The following SLC36A1 variants were observed in gnomAD, a reference collection of about 807,000 sequenced individuals.
SLC36A1 encodes the protein solute carrier family 36 member 1.
A neutral mutation model predicts 47.5 loss-of-function variants in SLC36A1; 30 were observed. The ratio of observed to expected loss-of-function variants is 0.63; its 90% CI spans 0.47 to 0.86. The LOEUF (loss-of-function observed/expected upper bound fraction) is 0.86, where lower values mean the gene tolerates loss of function less well. Among genes scored for constraint, SLC36A1 ranks in the 40% least tolerant of loss-of-function variants. The pLI is 0.00. For missense variants in SLC36A1, 517 were observed against 606.0 expected (o/e 0.85, Z 1.54); for synonymous variants, 255 against 249.7 (o/e 1.02, Z -0.20).
the SLC36A1 span, chr5:151,532,021 C>T: frequency 6.3e-7 from 1 of 1,592,774 alleles, no homozygotes; most frequent in Non-Finnish European, 8.6e-7. Context: ...CTCCTCTGGA[C>T]CTGCCTGCAG....
chr5:151,544,734 A>G, the SLC36A1 span: 3 of 1,614,052 alleles, frequency 1.9e-6, no homozygotes, highest in African/African-American at 2.7e-5. Context: ...CTTGATAATC[A>G]AAGGGTTTCT....
At chr5:151,504,394 G>C in the SLC36A1 span, 5 of 152,692 alleles carry the variant, frequency 3.3e-5, no homozygotes, top group African/African-American at 4.8e-5. Context: ...CACCACTCCT[G>C]GCTACATACA....
chr5:151,361,762 G>A, the SLC36A1 span, among the ~76,000 whole-genome samples: 1 of 152,116 alleles, frequency 6.6e-6, no homozygotes, highest in Non-Finnish European at 1.5e-5. Flanking sequence ...TATAAGATGG[G>A]TCTGGTGGTA....
At chr5:151,475,114 T>A (rs1757870507) in intron 8 of SLC36A1, among the ~76,000 whole-genome samples, 1 of 152,210 alleles carries the variant, frequency 6.6e-6, no homozygotes, top group South Asian at 2.1e-4. Context: ...AGTGTCTCAC[T>A]GTAATTCAGA....
At chr5:151,459,042 A>G (rs56026426) in intron 2 of SLC36A1, 107 bp downstream of exon 2, 5 of 1,288,314 alleles carry the variant, frequency 3.9e-6, no homozygotes, top group Non-Finnish European at 5.3e-6. Context: ...TTACAGATGA[A>G]GGTCAGCAGT....
the SLC36A1 span, among the ~76,000 whole-genome samples, chr5:151,530,715 A>C: frequency 2.0e-5 from 3 of 152,148 alleles, no homozygotes; most frequent in Non-Finnish European, 4.4e-5. Flanking sequence ...TTAGAAAAGG[A>C]GTTCTTATTA....
chr5:151,433,739 T>C (rs1759605041), upstream of SLC36A1, among the ~76,000 whole-genome samples: 3 of 152,088 alleles, frequency 2.0e-5, no homozygotes. Flanking sequence ...CCCACGGGTA[T>C]TTGCTCAACC....
upstream of SLC36A1, among the ~76,000 whole-genome samples, chr5:151,434,765 C>T (rs1177253583): frequency 6.6e-6 from 1 of 152,038 alleles, no homozygotes; most frequent in Non-Finnish European, 1.5e-5. Context: ...CTGCTCTTTG[C>T]CATGTGAGGA....
chr5:151,510,204 C>T, the SLC36A1 span: 125 of 1,612,106 alleles, frequency 7.8e-5, no homozygotes, highest in East Asian at 2.4e-3. Context: ...GGTGAGAGAC[C>T]GCACTGGCCT....
chr5:151,512,882 ATCAAGACCCTG>A, the SLC36A1 span: 1 of 463,560 alleles, frequency 2.2e-6, no homozygotes, highest in Admixed American at 3.6e-5. This position sits in a 1 kb window ranked among gnomAD's most constrained non-coding sequence, Gnocchi z 4.1. Context: ...TGCTTTGCTG[ATCAAGACCCTG>A]TATTTTGGAT....
chr5:151,367,801 G>T, the SLC36A1 span, among the ~76,000 whole-genome samples: 1 of 152,158 alleles, frequency 6.6e-6, no homozygotes, highest in East Asian at 1.9e-4. Flanking sequence ...GCTTCAGCCG[G>T]TCCCTCTGTT....
the SLC36A1 span, chr5:151,406,422 G>A: frequency 1.3e-5 from 2 of 152,232 alleles, no homozygotes; most frequent in African/African-American, 4.8e-5. Flanking sequence ...TCTTCACTCT[G>A]CATAGGGGAT....
the SLC36A1 span, chr5:151,506,226 A>C: frequency 2.0e-6 from 2 of 977,918 alleles, no homozygotes; most frequent in Non-Finnish European, 2.8e-6. Flanking sequence ...CCATCTGTGC[A>C]GGTTGTCTCT....
At chr5:151,540,810 A>T in the SLC36A1 span, 1 of 1,537,070 alleles carries the variant, frequency 6.5e-7, no homozygotes, top group Non-Finnish European at 8.9e-7. Context: ...ATAGGAATGA[A>T]CTAGGCTTTG....
the SLC36A1 span, among the ~76,000 whole-genome samples, chr5:151,383,013 C>G: frequency 2.6e-5 from 4 of 152,190 alleles, no homozygotes; most frequent in Non-Finnish European, 2.9e-5. Flanking sequence ...ATCCACCCAC[C>G]TCGGCCTCCC....
At chr5:151,487,359 G>A (rs1759704699) in intron 10 of SLC36A1, among the ~76,000 whole-genome samples, 1 of 152,234 alleles carries the variant, frequency 6.6e-6, no homozygotes, top group African/African-American at 2.4e-5. Flanking sequence ...CTCACCCGTG[G>A]CTGAGTTTCA....
chr5:151,346,309 G>A, the SLC36A1 span, among the ~76,000 whole-genome samples: 1 of 152,120 alleles, frequency 6.6e-6, no homozygotes, highest in Admixed American at 6.5e-5. Flanking sequence ...CAGGCAGCAG[G>A]GCCAGTCACT....
chr5:151,545,673 G>A, the SLC36A1 span: 3 of 1,614,186 alleles, frequency 1.9e-6, no homozygotes, highest in Non-Finnish European at 1.7e-6. Context: ...GGGTTCCCAT[G>A]CTGGGATCAA....
At chr5:151,350,942 C>T in the SLC36A1 span, among the ~76,000 whole-genome samples, 3 of 152,246 alleles carry the variant, frequency 2.0e-5, no homozygotes, top group East Asian at 5.8e-4. Context: ...GCCTTGGCCT[C>T]CCAAAGTGCT....
Sources: allele counts gnomAD v4.1 joint callset (sites outside exome capture counted in the v4.1 genomes callset), GRCh38; gene constraint gnomAD v4.1.1; non-coding constraint Gnocchi (gnomAD v3.1); transcripts MANE v1.5; gene names NCBI Gene and HGNC (gene_info 2026-07-23, HGNC 2026-07-21).